The following KMT5B variants were observed in gnomAD, a reference collection of about 807,000 sequenced individuals.
KMT5B encodes the protein lysine methyltransferase 5B.
A neutral mutation model predicts 83.2 loss-of-function variants in KMT5B; 10 were observed. The ratio of observed to expected loss-of-function variants is 0.12; its 90% confidence interval spans 0.07 to 0.20. KMT5B has a LOEUF of 0.20. Ranked by LOEUF, KMT5B falls within the 10% of genes least tolerant of loss-of-function variation. The probability of loss-of-function intolerance (pLI) is 1.00; values close to 1 mark genes in which losing one functional copy is unlikely to be tolerated. For synonymous variants in KMT5B, 349 were observed against 388.8 expected (o/e 0.90, Z 1.20); for missense variants, 753 against 1,067.2 (o/e 0.71, Z 4.10).
chr11:68,186,284 G>C (rs1857431433), intron 2 of KMT5B, among the ~76,000 whole-genome samples: 1 of 152,092 alleles, frequency 6.6e-6, no homozygotes, highest in Admixed American at 6.6e-5. Context: ...CAATACACAG[G>C]GCCATTACAG....
intron 10 of KMT5B, among the ~76,000 whole-genome samples, chr11:68,160,644 A>G (rs1482024623): frequency 6.6e-6 from 1 of 152,176 alleles, no homozygotes; most frequent in Non-Finnish European, 1.5e-5. Context: ...AAGTTACCAT[A>G]AGTTCAGTTT....
In KMT5B at chr11:68,158,839, C is replaced by A. The variant is rs550206217; in HGVS notation, c.1507G>T (p.Ala503Ser). ...DKEPEGPAQA[A>S]VASGCLTRHA... ...CTAGTCAAGCACCCGCTGGCAACTG[C>A]GGCTTGGGCTGGTCCCTCTGGCTCC... is the stretch of plus-strand genomic sequence containing the variant. The change falls in exon 11 of 11, where the codon GCA becomes TCA. Residue 503 changes from alanine to serine, a missense_variant. Transcript: ENST00000304363. 2 of 1,614,138 alleles carry A rather than the reference C, an allele frequency of 1.2e-6. No homozygotes were observed. The highest frequency in any genetic ancestry group is 1.3e-5 in the African/African-American group (1 of 75,066).
At chr11:68,198,976 G>A (rs749810292) in intron 1 of KMT5B, among the ~76,000 whole-genome samples, 7 of 152,182 alleles carry the variant, frequency 4.6e-5, no homozygotes, top group African/African-American at 4.8e-5. Context: ...TGATCTGCCC[G>A]CCTTGGCCTC....
In KMT5B at chr11:68,194,299, C is replaced by T. The variant is rs188929736; in HGVS notation, c.-76-4147G>A. On this transcript the variant is annotated intron_variant, in intron 1 of 10. Coordinates refer to ENST00000304363, the MANE Select transcript of KMT5B (RefSeq NM_017635.5). ...CTCCACCTCCCAGGTTCAAGCTATT[C>T]TCATGCCTCAGCCTCCTAAGTAGCT... Among the ~76,000 whole-genome samples the T allele has an allele frequency of 2.1e-3, 321 of 150,092 alleles. 1 individual carries two copies. The highest frequency in any genetic ancestry group is 4.0e-3 in the Non-Finnish European group (272 of 67,798).
chr11:68,178,186 A>G (rs1856560544), intron 4 of KMT5B, among the ~76,000 whole-genome samples: 2 of 152,256 alleles, frequency 1.3e-5, no homozygotes, highest in Admixed American at 1.3e-4. Context: ...GTTCAATGTG[A>G]AAGTGACCAA....
chr11:68,188,726 C>A (rs1857706850), intron 2 of KMT5B, among the ~76,000 whole-genome samples: 1 of 152,156 alleles, frequency 6.6e-6, no homozygotes, highest in Non-Finnish European at 1.5e-5. Context: ...CTATGATACA[C>A]AAAAGGAGGC....
At chr11:68,165,891 A>G (rs775478965) in intron 10 of KMT5B, 1 of 1,612,926 alleles carries the variant, frequency 6.2e-7, no homozygotes, top group Non-Finnish European at 8.5e-7. Flanking sequence ...AGATTCAGGA[A>G]TTCATGGCAG....
intron 3 of KMT5B, among the ~76,000 whole-genome samples, chr11:68,183,013 G>A (rs772536284): frequency 6.6e-6 from 1 of 152,226 alleles, no homozygotes; most frequent in South Asian, 2.1e-4. Flanking sequence ...TGGGATTACA[G>A]GCGTGAGCCA....
chr11:68,188,010 G>C (rs529969744), intron 2 of KMT5B, among the ~76,000 whole-genome samples: 1 of 151,590 alleles, frequency 6.6e-6, no homozygotes, highest in African/African-American at 2.4e-5. Flanking sequence ...CCAAAGTAAT[G>C]GCCATTTTCC....
chr11:68,211,635 C>G (rs745934829), intron 1 of KMT5B, among the ~76,000 whole-genome samples: 1 of 152,138 alleles, frequency 6.6e-6, no homozygotes, highest in Non-Finnish European at 1.5e-5. Flanking sequence ...CAAAAACTCA[C>G]GAGTAACCAC....
intron 1 of KMT5B, among the ~76,000 whole-genome samples, chr11:68,210,868 G>A (rs1860808916): frequency 6.6e-6 from 1 of 152,208 alleles, no homozygotes; most frequent in Admixed American, 6.5e-5. Context: ...TGACCACGGA[G>A]AAGGATTTTG....
At chr11:68,184,382 G>GA (rs961590835) in intron 3 of KMT5B, among the ~76,000 whole-genome samples, 12 of 150,486 alleles carry the variant, frequency 8.0e-5, no homozygotes, top group East Asian at 1.9e-4. Flanking sequence ...AAAAAGAAAA[G>GA]AAAAAAAAAT....
intron 1 of KMT5B, among the ~76,000 whole-genome samples, chr11:68,210,492 C>T (rs982989314): frequency 1.3e-5 from 2 of 151,592 alleles, no homozygotes; most frequent in African/African-American, 4.8e-5. Flanking sequence ...GTTTTGTAGA[C>T]GGAGTCTAGG....
At chr11:68,197,940 A>G (rs1858918014) in intron 1 of KMT5B, among the ~76,000 whole-genome samples, 1 of 152,256 alleles carries the variant, frequency 6.6e-6, no homozygotes, top group South Asian at 2.1e-4. Flanking sequence ...TTTCAGCTCA[A>G]AATGAATATA....
chr11:68,211,611 G>C (rs1363549350), intron 1 of KMT5B, among the ~76,000 whole-genome samples: 5 of 152,226 alleles, frequency 3.3e-5, no homozygotes, highest in African/African-American at 9.6e-5. Context: ...GGGCGGACGA[G>C]ATAACAAGAG....
In KMT5B at chr11:68,158,846, G is replaced by A. The variant is rs766643405; in HGVS notation, c.1500C>T (p.Ala500=). 6.2e-7 allele frequency: 1 copy of A among 1,614,088 alleles called. No homozygotes were observed. Among genetic ancestry groups the A allele is most frequent in the Non-Finnish European group, 8.5e-7 (1 of 1,180,030 alleles). Reference sequence around the variant, plus strand: ...AGCACCCGCTGGCAACTGCGGCTTGGGCTGGTCCCTCTGGCTCCTTATCTT... The same window carrying A: ...AGCACCCGCTGGCAACTGCGGCTTGAGCTGGTCCCTCTGGCTCCTTATCTT... ...IKKDKEPEGP[A]QAAVASGCLT... is the part of the protein sequence containing the mutation. Residue 500 remains alanine (A), a synonymous_variant, in exon 11 of 11, where the codon GCC becomes GCT. Transcript: ENST00000304363.
intron 10 of KMT5B, 180 bp downstream of exon 10, chr11:68,166,802 G>C: frequency 3.5e-6 from 5 of 1,430,252 alleles, no homozygotes; most frequent in Admixed American, 2.9e-5. Flanking sequence ...TGAAGTTAGA[G>C]ATGGGATACA....
intron 6 of KMT5B, among the ~76,000 whole-genome samples, chr11:68,172,289 G>C (rs1270374238): frequency 1.3e-5 from 2 of 152,120 alleles, no homozygotes; most frequent in Non-Finnish European, 2.9e-5. Flanking sequence ...CTGGAGTGCA[G>C]TGGCGTGATC....
chr11:68,170,867 T>C (rs909530440), intron 9 of KMT5B, 148 bp downstream of exon 9: 3 of 752,260 alleles, frequency 4.0e-6, no homozygotes, highest in African/African-American at 3.7e-5. Flanking sequence ...CATTTGACTT[T>C]GTTCATACAC....
Sources: gnomAD v4.1 joint callset for allele counts (sites outside exome capture counted in the v4.1 genomes callset) on GRCh38, gnomAD v4.1.1 for gene constraint, MANE v1.5 for transcripts, NCBI Gene and HGNC (gene_info 2026-07-23, HGNC 2026-07-21) for gene names.